The following RPS12 variants were observed in gnomAD, a reference collection of about 807,000 sequenced individuals.
The protein encoded by RPS12 is ribosomal protein S12, also known as small ribosomal subunit protein eS12.
RPS12 carries 1 observed loss-of-function variant against 17.2 expected under a neutral mutation model. That is an observed-to-expected ratio of 0.06 (90% CI 0.02 to 0.28). RPS12 has a LOEUF of 0.28. Ranked by LOEUF, RPS12 falls within the 10% of genes least tolerant of loss-of-function variation. The pLI is 1.00. For synonymous variants in RPS12, 67 were observed against 54.0 expected, an observed-to-expected ratio of 1.24 and a Z score of -1.06; for missense variants, 146 against 162.1, an observed-to-expected ratio of 0.90 and a Z score of 0.54.
intron 4 of RPS12, 113 bp downstream of exon 4, chr6:132,816,676 A>G: frequency 1.2e-6 from 1 of 808,852 alleles, no homozygotes; most frequent in Non-Finnish European, 2.2e-6. Flanking sequence ...CATTACGTGC[A>G]CCTGATACTG....
chr6:132,815,252 A>G, intron 3 of RPS12, 164 bp downstream of exon 3: 2 of 748,696 alleles, frequency 2.7e-6, no homozygotes, highest in South Asian at 2.8e-5. Flanking sequence ...TATAAAGCCC[A>G]CTTAAAATGT....
chr6:132,815,700 A>G (rs1349821967), intron 3 of RPS12: 1 of 456,746 alleles, frequency 2.2e-6, no homozygotes. Flanking sequence ...GGTGTAATCT[A>G]GCCAGTTCAA....
At chr6:132,814,858 C>T (rs1782007015) in intron 2 of RPS12, 76 bp downstream of exon 2, 2 of 1,470,746 alleles carry the variant, frequency 1.4e-6, no homozygotes, top group Non-Finnish European at 1.9e-6. Flanking sequence ...CGGAACAGGA[C>T]TGGGTCAAAC....
intron 4 of RPS12, 91 bp from the exon 5 acceptor site, chr6:132,816,869 G>A (rs762172225): frequency 4.4e-6 from 4 of 907,510 alleles, no homozygotes; most frequent in Admixed American, 1.7e-5. Flanking sequence ...TCACCCTTCT[G>A]ATTACAGCCA....
Position 132,814,723 on chromosome 6 carries a change from G to T in RPS12, c.-37-9G>T. 6.2e-7 allele frequency: 1 copy of T among 1,606,930 alleles called. No individual in the cohort carries two copies. Among genetic ancestry groups the T allele is most frequent in the South Asian group, 1.1e-5 (1 of 90,866 alleles). On this transcript the variant is annotated splice_polypyrimidine_tract_variant and intron_variant, in intron 1 of 5. Coordinates refer to ENST00000230050, the MANE Select transcript of RPS12 (RefSeq NM_001016.4). ...GGTTCTTTAACAAGTCAATGCTTTT[G>T]TTTTTTAGTGCGTTCAAGATTCAAC...
chr6:132,815,361 A>G (rs1156830898), intron 3 of RPS12: 2 of 623,598 alleles, frequency 3.2e-6, no homozygotes, highest in African/African-American at 1.8e-5. Context: ...TATGAGTGAA[A>G]CATAAGAGTC....
At chr6:132,814,884 C>T (rs535195650) in intron 2 of RPS12, 88 bp from the exon 3 acceptor site, 50 of 1,416,662 alleles carry the variant, frequency 3.5e-5, no homozygotes, top group Admixed American at 2.2e-4. Flanking sequence ...GCCGTAAGCG[C>T]GTCTGTTGTA....
intron 3 of RPS12, chr6:132,815,534 TATA>T: frequency 2.3e-6 from 1 of 427,964 alleles, no homozygotes; most frequent in African/African-American, 2.0e-5. Flanking sequence ...AATTTAGTAG[TATA>T]ATAGCTGTGA....
In RPS12 at chr6:132,817,503, C is replaced by T. The variant is rs749435371; in HGVS notation, c.360C>T (p.Ala120=). Residue 120 remains alanine, a synonymous_variant, in exon 6 of 6, where the codon GCC becomes GCT. Transcript: ENST00000230050. The stretch of plus-strand genomic sequence containing the variant: ...AGGACTATGGCAAGGAGTCTCAGGC[C>T]AAGGATGTCATTGAAGAGTATTTCA... ...VVKDYGKESQ[A]KDVIEEYFKC... is the part of the protein sequence containing the mutation. The T allele has an allele frequency of 3.7e-6, 6 of 1,610,450 alleles. No homozygotes were observed. The Admixed American group carries it at 8.3e-5, about 22-fold the overall frequency.
intron 2 of RPS12, 66 bp from the exon 3 acceptor site, chr6:132,814,902 CTTTT>C: frequency 7.1e-7 from 1 of 1,411,866 alleles, no homozygotes; most frequent in Non-Finnish European, 1.0e-6. Context: ...GTACACTTAG[CTTTT>C]GCTGAGTGCA....
chr6:132,815,792 C>G (rs1026830078), intron 3 of RPS12: 1 of 455,446 alleles, frequency 2.2e-6, no homozygotes, highest in Non-Finnish European at 4.4e-6. Context: ...GGCATTATTG[C>G]ATGGCATTTC....
intron 3 of RPS12, 170 bp downstream of exon 3, chr6:132,815,258 A>G: frequency 1.3e-6 from 1 of 748,430 alleles, no homozygotes; most frequent in Non-Finnish European, 2.5e-6. Flanking sequence ...GCCCACTTAA[A>G]ATGTGTGGGT....
rs749524531 is a variant in RPS12, at chr6:132,815,722, C to T, written c.131+634C>T. Reference sequence around the variant, plus strand: ...TCTAGCCAGTTCAATCCGATGGAAACGGCATTATTGTTTAATGTATTTAGT... The same window carrying T: ...TCTAGCCAGTTCAATCCGATGGAAATGGCATTATTGTTTAATGTATTTAGT... On this transcript the variant is annotated intron_variant, in intron 3 of 5. Transcript: ENST00000230050. The T allele has an allele frequency of 9.9e-5, 45 of 456,454 alleles. 1 individual carries two copies. The highest frequency in any genetic ancestry group is 4.6e-5 in the South Asian group (3 of 64,562). The allele number at this position is 456,454 out of a possible 1,614,324, so 28.3% of individuals were successfully genotyped here. A position where few individuals can be genotyped will look rare whatever the true frequency, so the allele number is the denominator to read the frequency against.
intron 3 of RPS12, 92 bp downstream of exon 3, chr6:132,815,180 C>T (rs1686637782): frequency 2.4e-6 from 2 of 849,058 alleles, no homozygotes; most frequent in Non-Finnish European, 4.1e-6. Flanking sequence ...GGTGTTAGCG[C>T]AAAAGTTCTG....
intron 4 of RPS12, 198 bp from the exon 5 acceptor site, chr6:132,816,762 T>A (rs777263850): frequency 1.3e-6 from 1 of 768,874 alleles, no homozygotes; most frequent in Non-Finnish European, 2.4e-6. Context: ...GACGTTGGTA[T>A]ACAACAAAGA....
intron 3 of RPS12, chr6:132,815,390 T>C (rs754507828): frequency 1.7e-6 from 1 of 581,532 alleles, no homozygotes; most frequent in South Asian, 1.4e-5. Flanking sequence ...CTGTAGGTTG[T>C]GGAGCTAGTC....
chr6:132,817,281 A>G (rs1434033030), intron 5 of RPS12, 199 bp from the exon 6 acceptor site: 2 of 772,632 alleles, frequency 2.6e-6, no homozygotes, highest in Admixed American at 1.7e-5. Flanking sequence ...AAAACTGGCA[A>G]TAGTAAAGCC....
intron 3 of RPS12, chr6:132,815,947 T>TA (rs1379906201): frequency 2.2e-6 from 1 of 453,794 alleles, no homozygotes; most frequent in Non-Finnish European, 4.4e-6. Context: ...AAGCGATTCT[T>TA]CTGCCTCCCG....
At chr6:132,816,436 A>G (rs1372775021) in intron 3 of RPS12, 25 bp from the exon 4 acceptor site, 1 of 1,563,302 alleles carries the variant, frequency 6.4e-7, no homozygotes, top group Non-Finnish European at 8.8e-7. Context: ...TTTTAGCTCC[A>G]TTTTCATTGT....
Sources: allele counts gnomAD v4.1 joint callset, GRCh38; gene constraint gnomAD v4.1.1; transcripts MANE v1.5; gene names NCBI Gene and HGNC (gene_info 2026-07-23, HGNC 2026-07-21).